BRINP3: variants seen among roughly 807,000 people sequenced by gnomAD.
The protein encoded by BRINP3 is BMP/retinoic acid-inducible neural-specific protein 3.
BRINP3 carries 19 observed loss-of-function variants against 71.0 expected under a neutral mutation model. That is an observed-to-expected ratio of 0.27 (90% CI 0.19 to 0.39). BRINP3 has a LOEUF of 0.39. Ranked by LOEUF, BRINP3 falls within the 10% of genes least tolerant of loss-of-function variation. BRINP3 has a pLI of 1.00. For missense variants in BRINP3, 959 were observed against 940.8 expected (o/e 1.02, Z -0.25); for synonymous variants, 380 against 337.7 (o/e 1.13, Z -1.37).
chr1:190,187,671 A>G (rs1653652586), intron 6 of BRINP3, among the ~76,000 whole-genome samples: 1 of 152,142 alleles, frequency 6.6e-6, no homozygotes, highest in African/African-American at 2.4e-5. Context: ...ATCTTTGCCA[A>G]AAAGTAGTTC....
chr1:190,106,572 T>C (rs531762248), intron 7 of BRINP3, among the ~76,000 whole-genome samples: 1 of 151,642 alleles, frequency 6.6e-6, no homozygotes, highest in South Asian at 2.1e-4. Context: ...AATAAATACA[T>C]TAATTAACAA....
chr1:190,191,308 T>G lies in BRINP3; in HGVS notation c.962-30418A>C, dbSNP rs1571317418. 2.0e-5 allele frequency among the ~76,000 whole-genome samples: 3 copies of G among 152,026 alleles called. No homozygotes were observed. The East Asian group carries it at 5.8e-4, about 30-fold the overall frequency. On this transcript the variant is annotated intron_variant, in intron 6 of 7. Transcript: ENST00000367462. ...TTTTATTGCTTCTAAAGGAAAAAAATGGATACATGTGTATAACGTGCAGGT... is the reference window on the plus strand; with the variant it reads ...TTTTATTGCTTCTAAAGGAAAAAAAGGGATACATGTGTATAACGTGCAGGT...
At chr1:190,180,859 A>G (rs1324475236) in intron 6 of BRINP3, among the ~76,000 whole-genome samples, 1 of 152,110 alleles carries the variant, frequency 6.6e-6, no homozygotes, top group Non-Finnish European at 1.5e-5. Flanking sequence ...TTACAAAAAA[A>G]GTACAGACAT....
intron 3 of BRINP3, among the ~76,000 whole-genome samples, chr1:190,266,187 G>A (rs530645745): frequency 6.6e-6 from 1 of 152,254 alleles, no homozygotes; most frequent in South Asian, 2.1e-4. Flanking sequence ...GGGTAGTATT[G>A]TGCCCATTTA....
intron 7 of BRINP3, among the ~76,000 whole-genome samples, chr1:190,148,906 T>A (rs1436374025): frequency 6.6e-6 from 1 of 152,170 alleles, no homozygotes; most frequent in Non-Finnish European, 1.5e-5. Flanking sequence ...ACAAACATGA[T>A]AAACCTGAGA....
Position 190,283,022 on chromosome 1 carries a change from G to C in BRINP3, c.237-1272C>G, listed in dbSNP as rs190373112. On this transcript the variant is annotated intron_variant, in intron 2 of 7. Transcript: ENST00000367462. ...TGAGGAACAGTGTACATACTTCCAG[G>C]ACAAAGGGACATGACACTGACAGTT... is the stretch of plus-strand genomic sequence containing the variant. Among the ~76,000 whole-genome samples, 15 of 152,032 alleles carry C rather than the reference G, an allele frequency of 9.9e-5. No individual in the cohort carries two copies. In the East Asian group the frequency reaches 2.5e-3, roughly 26 times the overall value.
chr1:190,281,289 A>G (rs923228340), intron 3 of BRINP3, among the ~76,000 whole-genome samples: 16 of 151,906 alleles, frequency 1.1e-4, no homozygotes, highest in African/African-American at 1.7e-4. Context: ...TTTCCATATC[A>G]CCTTACAGAG....
intron 4 of BRINP3, among the ~76,000 whole-genome samples, chr1:190,254,278 AAATAGTTTTT>A (rs1660437379): frequency 7.6e-6 from 1 of 130,986 alleles, no homozygotes; most frequent in African/African-American, 2.6e-5. Flanking sequence ...ATGAACTTTA[AAATAGTTTTT>A]TTTTTTTTCA....
At chr1:190,251,899 T>A (rs1168251504) in intron 4 of BRINP3, among the ~76,000 whole-genome samples, 1 of 146,452 alleles carries the variant, frequency 6.8e-6, no homozygotes, top group African/African-American at 2.7e-5. Context: ...TCTTATCAAA[T>A]GTAGGCAAAC....
chr1:190,376,456 G>A (rs1046091438), intron 2 of BRINP3, among the ~76,000 whole-genome samples: 1 of 151,986 alleles, frequency 6.6e-6, no homozygotes, highest in Non-Finnish European at 1.5e-5. Context: ...GGTTTTAACA[G>A]ATATCTGTTT....
intron 6 of BRINP3, among the ~76,000 whole-genome samples, chr1:190,209,350 CAG>C (rs1166726895): frequency 1.3e-5 from 2 of 152,092 alleles, no homozygotes; most frequent in Non-Finnish European, 2.9e-5. Flanking sequence ...GTAACACAAA[CAG>C]TGAGTTTTCA....
At chr1:190,181,603 T>C (rs1653036259) in intron 6 of BRINP3, among the ~76,000 whole-genome samples, 1 of 152,136 alleles carries the variant, frequency 6.6e-6, no homozygotes, top group Admixed American at 6.6e-5. Context: ...ACAAAACTTA[T>C]CATGGTGGAC....
intron 6 of BRINP3, among the ~76,000 whole-genome samples, chr1:190,203,437 A>ATATATG (rs879700573): frequency 5.4e-5 from 8 of 147,700 alleles, no homozygotes; most frequent in Non-Finnish European, 1.0e-4. Flanking sequence ...ATATATATAT[A>ATATATG]TGTATGTGTG....
chr1:190,266,625 C>G (rs989075520), intron 3 of BRINP3, among the ~76,000 whole-genome samples: 2 of 151,992 alleles, frequency 1.3e-5, no homozygotes, highest in Non-Finnish European at 2.9e-5. Flanking sequence ...CAAAAAATCC[C>G]CTACAATCAT....
At chr1:190,264,246 T>C (rs1455097567) in intron 4 of BRINP3, among the ~76,000 whole-genome samples, 1 of 152,200 alleles carries the variant, frequency 6.6e-6, no homozygotes, top group Non-Finnish European at 1.5e-5. Context: ...TATTCTCCTC[T>C]TTTCTCAGTT....
intron 2 of BRINP3, among the ~76,000 whole-genome samples, chr1:190,338,348 G>T (rs1489771973): frequency 6.6e-6 from 1 of 151,982 alleles, no homozygotes; most frequent in Admixed American, 6.6e-5. Flanking sequence ...CTTGGATATT[G>T]AAAGAAATGT....
At chr1:190,243,980 C>T (rs936690692) in intron 4 of BRINP3, among the ~76,000 whole-genome samples, 2 of 152,050 alleles carry the variant, frequency 1.3e-5, no homozygotes, top group Non-Finnish European at 2.9e-5. Context: ...TCTCTCATCA[C>T]CCCCAGATGG....
intron 2 of BRINP3, among the ~76,000 whole-genome samples, chr1:190,449,919 T>C (rs1220935580): frequency 6.6e-6 from 1 of 152,202 alleles, no homozygotes. Context: ...TTAATATTAG[T>C]ACTCGTATAT....
chr1:190,333,002 G>T (rs1257530822), intron 2 of BRINP3, among the ~76,000 whole-genome samples: 5 of 151,462 alleles, frequency 3.3e-5, no homozygotes, highest in African/African-American at 1.2e-4. Context: ...AAAAAATTCA[G>T]TACAAAGATG....
Sources: allele counts gnomAD v4.1 joint callset (sites outside exome capture counted in the v4.1 genomes callset), GRCh38; gene constraint gnomAD v4.1.1; transcripts MANE v1.5; gene names NCBI Gene and HGNC (gene_info 2026-07-23, HGNC 2026-07-21).